The following WNK1 variants were observed in gnomAD, a reference collection of about 807,000 sequenced individuals.
The protein encoded by WNK1 is WNK lysine deficient protein kinase 1, also known as serine/threonine-protein kinase WNK1.
A neutral mutation model predicts 222.8 loss-of-function variants in WNK1; 38 were observed. That is an observed-to-expected ratio of 0.17 (90% CI 0.13 to 0.22). The LOEUF is 0.22. Ranked by LOEUF, WNK1 falls within the 10% of genes least tolerant of loss-of-function variation. WNK1 has a pLI of 1.00. For missense variants in WNK1, 2,348 were observed against 2,918.4 expected, an observed-to-expected ratio of 0.80 and a Z score of 4.50; for synonymous variants, 1,090 against 1,092.9, an observed-to-expected ratio of 1.00 and a Z score of 0.05.
At chr12:880,658 GC>G in intron 11 of WNK1, 62 bp from the exon 12 acceptor site, 1 of 1,438,076 alleles carries the variant, frequency 7.0e-7, no homozygotes. Flanking sequence ...TGCATGTCTT[GC>G]TGTTTTGCTA....
chr12:908,959 A>T lies in WNK1; in HGVS notation c.*167A>T. 1.3e-6 allele frequency: 1 copy of T among 773,000 alleles called. No individual in the cohort carries two copies. The highest frequency in any genetic ancestry group is 2.1e-6 in the Non-Finnish European group (1 of 479,270). 47.9% of individuals were successfully genotyped at this position (773,000 alleles called of 1,614,324 possible). A position where few individuals can be genotyped will look rare whatever the true frequency, so the allele number is the denominator to read the frequency against. ...ACTGCATTGAGCCCTCAGAATGGAGAGTCTCCCCCGCTCCAGTTATTGGAA... is the reference window on the plus strand; with the variant it reads ...ACTGCATTGAGCCCTCAGAATGGAGTGTCTCCCCCGCTCCAGTTATTGGAA... On this transcript the variant is annotated 3_prime_UTR_variant, in exon 28 of 28. Transcript: ENST00000315939.
chr12:878,121 C>T (rs1441977643), intron 9 of WNK1, 91 bp from the exon 10 acceptor site: 4 of 1,500,272 alleles, frequency 2.7e-6, no homozygotes, highest in Middle Eastern at 1.7e-4. Context: ...TCATTATTTA[C>T]AGACACTGAA....
chr12:902,941 T>C (rs1489658822), intron 26 of WNK1, among the ~76,000 whole-genome samples: 1 of 152,242 alleles, frequency 6.6e-6, no homozygotes, highest in Non-Finnish European at 1.5e-5. Context: ...AAACTTCTGA[T>C]GTGATTATTG....
rs1225518493 is a variant in WNK1, at chr12:885,415, A to G, written c.4611A>G (p.Thr1537=). The G allele has an allele frequency of 7.4e-6, 12 of 1,613,618 alleles. No homozygotes were observed. In the African/African-American group the frequency reaches 1.6e-4, roughly 22 times the overall value. ...TAGATAAGACATCTCATAGCAGTAC[A>G]ACTGGATTGGCTTTCTCCCTCTCTG... ...HSLDKTSHSS[T]TGLAFSLSAP... The change falls in exon 19 of 28, where the codon ACA becomes ACG. Residue 1537 remains threonine (T), a synonymous_variant. Coordinates refer to ENST00000315939, the MANE Select transcript of WNK1 (RefSeq NM_018979.4).
chr12:872,661 A>G (rs1013099604), intron 9 of WNK1, among the ~76,000 whole-genome samples: 4 of 152,228 alleles, frequency 2.6e-5, no homozygotes, highest in Non-Finnish European at 4.4e-5. Context: ...TGTAGCCACT[A>G]TGTATGTAAT....
At chr12:879,540 GC>G in intron 10 of WNK1, 32 bp from the exon 11 acceptor site, 1 of 673,732 alleles carries the variant, frequency 1.5e-6, no homozygotes. Context: ...TTTTTTTTAA[GC>G]CTGTCTGTTT....
At chr12:891,139 G>A (rs1013704781) in intron 22 of WNK1, among the ~76,000 whole-genome samples, 2 of 152,194 alleles carry the variant, frequency 1.3e-5, no homozygotes, top group East Asian at 3.9e-4. Flanking sequence ...TTGGAAGATG[G>A]AATATTTCTT....
intron 2 of WNK1, among the ~76,000 whole-genome samples, chr12:825,746 A>G (rs1232715073): frequency 6.6e-6 from 1 of 152,270 alleles, no homozygotes; most frequent in Non-Finnish European, 1.5e-5. Flanking sequence ...CAGGAACTGA[A>G]AAACAATAAT....
At chr12:788,853 C>G (rs1394700628) in intron 1 of WNK1, among the ~76,000 whole-genome samples, 1 of 150,918 alleles carries the variant, frequency 6.6e-6, no homozygotes, top group Non-Finnish European at 1.5e-5. Context: ...TGCCACTACA[C>G]TCCAGTCTGG....
At chr12:889,823 A>C (rs149166726) in intron 21 of WNK1, among the ~76,000 whole-genome samples, 1 of 152,338 alleles carries the variant, frequency 6.6e-6, no homozygotes, top group East Asian at 1.9e-4. Context: ...CATCTCAAAA[A>C]TAATAATAAT....
intron 2 of WNK1, among the ~76,000 whole-genome samples, chr12:814,797 CTCTATT>C (rs1947207560): frequency 6.6e-6 from 1 of 152,116 alleles, no homozygotes; most frequent in Non-Finnish European, 1.5e-5. Flanking sequence ...TTATTGTGCA[CTCTATT>C]TCTATTATTA....
At chr12:842,753 C>T (rs931627378) in intron 4 of WNK1, among the ~76,000 whole-genome samples, 2 of 152,120 alleles carry the variant, frequency 1.3e-5, no homozygotes, top group African/African-American at 4.8e-5. Context: ...TGCTCAGCAA[C>T]TGTTTTCTTG....
At chr12:851,693 A>G (rs765958341) in intron 4 of WNK1, 17 of 1,329,664 alleles carry the variant, frequency 1.3e-5, no homozygotes, top group Middle Eastern at 2.1e-4. Context: ...GCCTTTTCTG[A>G]TGGATATTAA....
At chr12:839,803 G>A (rs1307978269) in intron 4 of WNK1, among the ~76,000 whole-genome samples, 3 of 151,534 alleles carry the variant, frequency 2.0e-5, no homozygotes, top group Non-Finnish European at 2.9e-5. Flanking sequence ...TGCAACCTCC[G>A]CCTCCCAGGT....
At chr12:845,819 G>GAGAA (rs1949986363) in intron 4 of WNK1, among the ~76,000 whole-genome samples, 3 of 152,138 alleles carry the variant, frequency 2.0e-5, no homozygotes, top group Admixed American at 2.0e-4. Context: ...ATTTAAATGT[G>GAGAA]CTTCCTAAGT....
rs374726378 is a variant in WNK1 at position 898,482 on chromosome 12, C to CAAA, written c.6448+816_6448+818dup. ...TCGGTGACAGAGCAAGACTCTGTCTCAAAAAAAAAAAAAAAAAGAAGAACT... is the reference window on the plus strand; with the variant it reads ...TCGGTGACAGAGCAAGACTCTGTCTCAAAAAAAAAAAAAAAAAAAAGAAGAACT... On this transcript the variant is annotated intron_variant, in intron 25 of 27. Transcript: ENST00000315939. Among the ~76,000 whole-genome samples, 264 of 76,796 alleles carry CAAA rather than the reference C, an allele frequency of 3.4e-3. 1 individual carries two copies. Among genetic ancestry groups the CAAA allele is most frequent in the African/African-American group, 0.013 (248 of 18,580 alleles). 50.4% of individuals were successfully genotyped at this position (76,796 alleles called of 152,430 possible).
chr12:859,224 T>C, intron 5 of WNK1, 21 bp from the exon 6 acceptor site: 1 of 1,589,342 alleles, frequency 6.3e-7, no homozygotes, highest in Non-Finnish European at 8.6e-7. Context: ...TTGTTCCTTT[T>C]CTTTTCCCTC....
At chr12:804,444 C>CG (rs1946165339) in intron 1 of WNK1, among the ~76,000 whole-genome samples, 1 of 115,180 alleles carries the variant, frequency 8.7e-6, no homozygotes, top group South Asian at 3.0e-4. Flanking sequence ...GCGATCTCAG[C>CG]TCACTGCAAC....
intron 8 of WNK1, among the ~76,000 whole-genome samples, chr12:869,665 A>G (rs1370611157): frequency 6.6e-6 from 1 of 152,162 alleles, no homozygotes; most frequent in African/African-American, 2.4e-5. Context: ...CAGTTTAGGA[A>G]TTTGCCTTAA....
Sources: allele counts gnomAD v4.1 joint callset (sites outside exome capture counted in the v4.1 genomes callset), GRCh38; gene constraint gnomAD v4.1.1; transcripts MANE v1.5; gene names NCBI Gene and HGNC (gene_info 2026-07-23, HGNC 2026-07-21).